The following CACNB4 variants were observed in gnomAD, a reference collection of about 807,000 sequenced individuals.
The protein encoded by CACNB4 is calcium voltage-gated channel auxiliary subunit beta 4.
In CACNB4, 32 loss-of-function variants were observed where a neutral mutation model predicts 71.2. The observed-to-expected ratio is 0.45, with a 90% CI of 0.34 to 0.60. CACNB4 has a LOEUF of 0.60. CACNB4 is among the 20% of genes least tolerant of loss of function. The pLI is 0.01. For synonymous variants in CACNB4, 231 were observed against 236.9 expected, an observed-to-expected ratio of 0.97 and a Z score of 0.23; for missense variants, 464 against 647.9, an observed-to-expected ratio of 0.72 and a Z score of 3.08.
intron 2 of CACNB4, among the ~76,000 whole-genome samples, chr2:152,056,769 G>T (rs1350113778): frequency 6.6e-6 from 1 of 152,144 alleles, no homozygotes; most frequent in Non-Finnish European, 1.5e-5. Context: ...ACCCATTCAG[G>T]ATGTCTGAAA....
chr2:152,073,052 T>G (rs1465585181), intron 2 of CACNB4, among the ~76,000 whole-genome samples: 7 of 152,156 alleles, frequency 4.6e-5, no homozygotes, highest in Admixed American at 4.6e-4. Context: ...GCTGAAAATA[T>G]CATGCTCTTT....
At chr2:152,034,407 T>C (rs1272482360) in intron 2 of CACNB4, among the ~76,000 whole-genome samples, 2 of 152,080 alleles carry the variant, frequency 1.3e-5, no homozygotes, top group Non-Finnish European at 2.9e-5. Context: ...TGAAGGGTGA[T>C]AACAAGGAAG....
At chr2:152,018,240 C>G (rs1437289085) in intron 2 of CACNB4, among the ~76,000 whole-genome samples, 2 of 151,946 alleles carry the variant, frequency 1.3e-5, no homozygotes, top group African/African-American at 4.8e-5. Context: ...GGACCTCAGG[C>G]AGAAACACAG....
intron 2 of CACNB4, among the ~76,000 whole-genome samples, chr2:152,024,071 A>G (rs1683829217): frequency 6.6e-6 from 1 of 152,174 alleles, no homozygotes; most frequent in Non-Finnish European, 1.5e-5. Flanking sequence ...TGCAAGCCCA[A>G]CACTTTGGGA....
chr2:151,851,925 T>TA (rs2099839159), intron 12 of CACNB4: 1 of 152,220 alleles, frequency 6.6e-6, no homozygotes, highest in South Asian at 2.1e-4. Context: ...TACATTCCTC[T>TA]GTCTGTTCAG....
At chr2:151,942,793 C>T (rs1302859425) in intron 2 of CACNB4, among the ~76,000 whole-genome samples, 1 of 152,158 alleles carries the variant, frequency 6.6e-6, no homozygotes, top group South Asian at 2.1e-4. Flanking sequence ...TACTCTCAGG[C>T]TTAATAGGGT....
In CACNB4 at chr2:151,837,176, G is replaced by A. The variant is rs1055923822; in HGVS notation, c.*1943C>T. 6.6e-6 allele frequency: 1 copy of A among 151,904 alleles called. No individual in the cohort carries two copies. The highest frequency in any genetic ancestry group is 2.4e-5 in the African/African-American group (1 of 41,394). 9.4% of individuals were successfully genotyped at this position (151,904 alleles called of 1,614,324 possible). A position where few individuals can be genotyped will look rare whatever the true frequency, so the allele number is the denominator to read the frequency against. On this transcript the variant is annotated 3_prime_UTR_variant, in exon 14 of 14. Coordinates refer to ENST00000539935, the MANE Select transcript of CACNB4 (RefSeq NM_000726.5). ...ACTGAAAGTTTTATAAGCTTCACTA[G>A]ATGACAGAAGAATCTCACAAGCCAG... is the stretch of plus-strand genomic sequence containing the variant.
chr2:151,972,099 T>C (rs2099872722), intron 2 of CACNB4: 1 of 157,956 alleles, frequency 6.3e-6, no homozygotes, highest in East Asian at 1.8e-4. Flanking sequence ...AATGTTTTCA[T>C]ACTTATAATG....
At chr2:151,984,412 A>G (rs1681216597) in intron 2 of CACNB4, among the ~76,000 whole-genome samples, 1 of 152,192 alleles carries the variant, frequency 6.6e-6, no homozygotes, top group South Asian at 2.1e-4. Flanking sequence ...AGTATTGACT[A>G]AAAAAGACAA....
intron 2 of CACNB4, among the ~76,000 whole-genome samples, chr2:151,916,336 T>C (rs112266442): frequency 1.9e-5 from 1 of 51,868 alleles, no homozygotes; most frequent in African/African-American, 3.2e-5. Context: ...ACCCCTCTCT[T>C]TGTTATAGAG....
At chr2:151,989,998 G>C (rs1681615892) in intron 2 of CACNB4, among the ~76,000 whole-genome samples, 2 of 152,110 alleles carry the variant, frequency 1.3e-5, no homozygotes, top group South Asian at 4.2e-4. Flanking sequence ...CTCCCAATTT[G>C]TTCCCTGTGA....
At chr2:151,985,145 A>G (rs1275391822) in intron 2 of CACNB4, among the ~76,000 whole-genome samples, 3 of 152,220 alleles carry the variant, frequency 2.0e-5, no homozygotes, top group Non-Finnish European at 2.9e-5. Flanking sequence ...GAGTAAGAAG[A>G]CAAGAATTAA....
At chr2:151,909,877 T>C (rs924915032) in intron 2 of CACNB4, among the ~76,000 whole-genome samples, 2 of 152,212 alleles carry the variant, frequency 1.3e-5, no homozygotes, top group African/African-American at 4.8e-5. Flanking sequence ...TACATGTGCA[T>C]GTGTCTTTAT....
At chr2:151,911,716 T>A (rs2099856213) in intron 2 of CACNB4, among the ~76,000 whole-genome samples, 1 of 152,162 alleles carries the variant, frequency 6.6e-6, no homozygotes, top group Non-Finnish European at 1.5e-5. Flanking sequence ...AGAGTCCCTC[T>A]TTTTCAGTTG....
At chr2:151,962,937 G>A (rs1293875740) in intron 2 of CACNB4, 2 of 152,092 alleles carry the variant, frequency 1.3e-5, no homozygotes, top group African/African-American at 2.4e-5. Context: ...CAAATTATAC[G>A]ATTATACCAC....
chr2:152,026,243 G>A (rs1448518272), intron 2 of CACNB4, among the ~76,000 whole-genome samples: 1 of 152,152 alleles, frequency 6.6e-6, no homozygotes, highest in Non-Finnish European at 1.5e-5. Flanking sequence ...CTCCAGGACA[G>A]GGCCCCAGCA....
intron 2 of CACNB4, among the ~76,000 whole-genome samples, chr2:152,047,680 G>T (rs1399703897): frequency 2.6e-5 from 4 of 152,166 alleles, no homozygotes; most frequent in Non-Finnish European, 5.9e-5. Flanking sequence ...GATCACTTGA[G>T]GTCAGGAGTT....
At chr2:152,062,335 CACT>C (rs1686065817) in intron 2 of CACNB4, among the ~76,000 whole-genome samples, 7 of 152,140 alleles carry the variant, frequency 4.6e-5, no homozygotes, top group Admixed American at 4.6e-4. Flanking sequence ...CCAGTCACAC[CACT>C]GAGTTGACAC....
intron 2 of CACNB4, among the ~76,000 whole-genome samples, chr2:151,925,766 A>G (rs969791038): frequency 6.6e-6 from 1 of 152,128 alleles, no homozygotes; most frequent in African/African-American, 2.4e-5. Context: ...GTAGGGGGCA[A>G]CAGCAAGGTG....
Sources: allele counts gnomAD v4.1 joint callset (sites outside exome capture counted in the v4.1 genomes callset), GRCh38; gene constraint gnomAD v4.1.1; transcripts MANE v1.5; gene names NCBI Gene and HGNC (gene_info 2026-07-23, HGNC 2026-07-21).